MEST: variants seen among roughly 807,000 people sequenced by gnomAD.
MEST encodes mesoderm specific transcript.
MEST carries 18 observed loss-of-function variants against 50.9 expected under a neutral mutation model. The ratio of observed to expected loss-of-function variants is 0.35; its 90% CI spans 0.24 to 0.52. The LOEUF is 0.52. Ranked by LOEUF, MEST falls within the 20% of genes least tolerant of loss-of-function variation. The pLI, the probability that MEST is intolerant of heterozygous loss-of-function variation, is 0.94. For missense variants in MEST, 282 were observed against 425.3 expected (o/e 0.66, Z 2.96); for synonymous variants, 130 against 154.1 (o/e 0.84, Z 1.16).
At chr7:130,495,640 C>A in intron 2 of MEST, 118 bp downstream of exon 2, 1 of 1,098,744 alleles carries the variant, frequency 9.1e-7, no homozygotes, top group Non-Finnish European at 1.3e-6. Flanking sequence ...GAGTATCTCT[C>A]TCTCTTTCTG....
Position 130,497,054 on chromosome 7 carries a change from C to T in MEST, c.182-102C>T. ...TGTGTCATTTTAATGTCAATTTGGT[C>T]ACAGTTGCTTGTTCTTTGTATCAGA... On this transcript the variant is annotated intron_variant, in intron 2 of 11. Coordinates refer to ENST00000223215, the MANE Select transcript of MEST (RefSeq NM_002402.4). This position sits in a 1 kb window ranked among gnomAD's most constrained non-coding sequence, Gnocchi z 4.0. 2.2e-6 allele frequency: 2 copies of T among 891,420 alleles called. No homozygotes were observed. Among genetic ancestry groups the T allele is most frequent in the Non-Finnish European group, 3.4e-6 (2 of 586,862 alleles). The allele number at this position is 891,420 out of a possible 1,614,324, so 55.2% of individuals were successfully genotyped here.
At chr7:130,496,280 A>G (rs782156684) in intron 2 of MEST, 23 of 420,240 alleles carry the variant, frequency 5.5e-5, no homozygotes, top group Non-Finnish European at 1.0e-4. Flanking sequence ...ACTAATGTTG[A>G]AGTAAAAGCT....
intron 6 of MEST, 107 bp from the exon 7 acceptor site, chr7:130,499,768 G>A (rs1554438071): frequency 1.2e-6 from 1 of 833,010 alleles, no homozygotes; most frequent in African/African-American, 1.7e-5. Flanking sequence ...GAGGTGAGAG[G>A]ATTGCTTGAG....
chr7:130,488,952 C>T (rs12706940), upstream of MEST: 62,979 of 152,026 alleles, frequency 0.41, 15,997 homozygotes, highest in East Asian at 0.6. Context: ...CCTTCGTTAA[C>T]ATGTGCTCCT....
chr7:130,493,613 T>C (rs956603706), intron 1 of MEST, among the ~76,000 whole-genome samples: 2 of 152,046 alleles, frequency 1.3e-5, no homozygotes, highest in African/African-American at 4.8e-5. Context: ...TGTTGGTCGA[T>C]AGCCTCGTTT....
chr7:130,493,939 C>T (rs1192744136), intron 1 of MEST, among the ~76,000 whole-genome samples: 1 of 152,196 alleles, frequency 6.6e-6, no homozygotes, highest in African/African-American at 2.4e-5. Flanking sequence ...CCATCATGTT[C>T]TGGCACTTTT....
chr7:130,501,826 A>T (rs1584950252), intron 9 of MEST, among the ~76,000 whole-genome samples: 1 of 151,998 alleles, frequency 6.6e-6, no homozygotes, highest in Non-Finnish European at 1.5e-5. Context: ...GGCCAACATG[A>T]TGAAACCCCG....
intron 1 of MEST, chr7:130,494,860 C>CG: frequency 1.0e-6 from 1 of 955,594 alleles, no homozygotes; most frequent in Non-Finnish European, 1.2e-6. Flanking sequence ...TAAGTTACTA[C>CG]ACACACACAC....
intron 9 of MEST, among the ~76,000 whole-genome samples, chr7:130,502,315 G>A (rs1584950851): frequency 6.6e-6 from 1 of 152,208 alleles, no homozygotes; most frequent in African/African-American, 2.4e-5. Context: ...TAGTGGTGGA[G>A]CCTAAATTGG....
Position 130,500,769 on chromosome 7 carries a change from T to C in MEST, c.648-20T>C. On this transcript the variant is annotated intron_variant, in intron 8 of 11. Coordinates refer to ENST00000223215, the MANE Select transcript of MEST (RefSeq NM_002402.4). The surrounding 1 kb of genome is among the most constrained non-coding windows in gnomAD (Gnocchi z 5.0). ...TGAGTTCTCCTCACACTTATCTTCC[T>C]GCGTTTTGGACTCTTTCAGTCTCAC... The C allele has an allele frequency of 1.9e-6, 3 of 1,591,918 alleles. No homozygotes were observed. Among genetic ancestry groups the C allele is most frequent in the South Asian group, 1.1e-5 (1 of 87,680 alleles).
At chr7:130,502,036 C>G (rs1276683461) in intron 9 of MEST, among the ~76,000 whole-genome samples, 1 of 151,080 alleles carries the variant, frequency 6.6e-6, no homozygotes, top group African/African-American at 2.4e-5. Context: ...CACAGAAGAT[C>G]ATGTGTTACA....
chr7:130,498,727 A>C (rs1799164970), intron 6 of MEST: 2 of 576,620 alleles, frequency 3.5e-6, no homozygotes, highest in Non-Finnish European at 6.2e-6. Context: ...TAGTCAATAA[A>C]AAGCTGCATT....
upstream of MEST, among the ~76,000 whole-genome samples, chr7:130,491,868 C>T (rs1478976571): frequency 6.6e-6 from 1 of 152,038 alleles, no homozygotes; most frequent in African/African-American, 2.4e-5. This position sits in a 1 kb window ranked among gnomAD's most constrained non-coding sequence, Gnocchi z 6.8. Flanking sequence ...GAGGGAGCAG[C>T]GGGGTCTTGG....
Position 130,492,109 on chromosome 7 carries a change from G to A in MEST, c.-205G>A. 3.5e-6 allele frequency: 1 copy of A among 285,650 alleles called. No individual in the cohort carries two copies. Among genetic ancestry groups the A allele is most frequent in the Non-Finnish European group, 6.3e-6 (1 of 157,576 alleles). The allele number at this position is 285,650 out of a possible 1,614,324, so 17.7% of individuals were successfully genotyped here. On this transcript the variant is annotated 5_prime_UTR_variant, in exon 1 of 12. Transcript: ENST00000223215. The surrounding 1 kb of genome is among the most constrained non-coding windows in gnomAD (Gnocchi z 7.6). ...CTGCCGCGGCAACCAGCACACCCCG[G>A]CACCTCCTCTGCGGCAGCTGCGCCT...
rs142113595 is a variant in MEST, at chr7:130,503,440, G to A, written c.827-493G>A. 7.0e-3 allele frequency among the ~76,000 whole-genome samples: 1,062 copies of A among 152,298 alleles called. 9 individuals carry two copies. The highest frequency in any genetic ancestry group is 0.012 in the South Asian group (57 of 4,830). On this transcript the variant is annotated intron_variant, in intron 10 of 11. Coordinates refer to ENST00000223215, the MANE Select transcript of MEST (RefSeq NM_002402.4). Reference sequence around the variant, plus strand: ...ATGTGTCCAATGAATGAACTGGTACGTGCCTAGCAGTTTTTTAGAGGTTAC... The same window carrying A: ...ATGTGTCCAATGAATGAACTGGTACATGCCTAGCAGTTTTTTAGAGGTTAC...
chr7:130,505,915 G>C lies in MEST; in HGVS notation c.*859G>C, dbSNP rs1296319347. The C allele has an allele frequency of 1.3e-5, 2 of 152,314 alleles. No homozygotes were observed. Among genetic ancestry groups the C allele is most frequent in the Non-Finnish European group, 2.9e-5 (2 of 68,048 alleles). 9.4% of individuals were successfully genotyped at this position (152,314 alleles called of 1,614,324 possible). On this transcript the variant is annotated 3_prime_UTR_variant, in exon 12 of 12. Coordinates refer to ENST00000223215, the MANE Select transcript of MEST (RefSeq NM_002402.4). ...CTCATACCTCAGTGGTTAGAAGCATGTCTCTCTTGAGCTACAGTAGAGGGG... is the reference window on the plus strand; with the variant it reads ...CTCATACCTCAGTGGTTAGAAGCATCTCTCTCTTGAGCTACAGTAGAGGGG...
chr7:130,494,131 T>G (rs1242734287), intron 1 of MEST, among the ~76,000 whole-genome samples: 2 of 152,222 alleles, frequency 1.3e-5, no homozygotes, highest in Non-Finnish European at 2.9e-5. Context: ...GGCTTGTTTT[T>G]AGATTTTAGC....
Position 130,498,258 on chromosome 7 carries a change from T to C in MEST, c.459T>C (p.Ala153=). ...CTCATGACTATGGAGATATTGTTGC[T>C]CAGGAGCTTCTCTACAGGTCAGTGG... ...LLSHDYGDIV[A]QELLYRYKQN... is the part of the protein sequence containing the mutation. The change falls in exon 5 of 12, where the codon GCT becomes GCC. Residue 153 remains alanine (A), a synonymous_variant. Transcript: ENST00000223215. 1 of 1,614,176 alleles carries C rather than the reference T, an allele frequency of 6.2e-7. No individual in the cohort carries two copies.
chr7:130,503,168 T>TG, intron 10 of MEST, among the ~76,000 whole-genome samples: 1 of 152,126 alleles, frequency 6.6e-6, no homozygotes. Context: ...AGGCTATAGG[T>TG]GGTTTGTGCT....
Sources: gnomAD v4.1 joint callset for allele counts (sites outside exome capture counted in the v4.1 genomes callset) on GRCh38, gnomAD v4.1.1 for gene constraint, Gnocchi (gnomAD v3.1) non-coding constraint, MANE v1.5 for transcripts, NCBI Gene and HGNC (gene_info 2026-07-23, HGNC 2026-07-21) for gene names.